Variants in IQCJ observed in about 807,000 individuals in gnomAD.
IQCJ encodes IQ motif containing J, also known as IQ domain-containing protein J.
In IQCJ, 9 loss-of-function variants were observed where a neutral mutation model predicts 11.0. The ratio of observed to expected loss-of-function variants is 0.82; its 90% CI spans 0.49 to 1.43. The LOEUF (loss-of-function observed/expected upper bound fraction) is 1.43, where lower values mean the gene tolerates loss of function less well. IQCJ is among the 40% of genes most tolerant of loss of function. The probability of loss-of-function intolerance (pLI) is 0.00; values close to 1 mark genes in which losing one functional copy is unlikely to be tolerated. For synonymous variants in IQCJ, 55 were observed against 51.3 expected (o/e 1.07, Z -0.31); for missense variants, 146 against 133.2 (o/e 1.10, Z -0.47).
Position 159,071,280 on chromosome 3 carries a change from T to TA in IQCJ, c.9+1844dup, listed in dbSNP as rs1715543668. 2.0e-5 allele frequency among the ~76,000 whole-genome samples: 3 copies of TA among 151,986 alleles called. No individual in the cohort carries two copies. In the South Asian group the frequency reaches 6.2e-4, roughly 32 times the overall value. On this transcript the variant is annotated intron_variant, in intron 1 of 3. Transcript: ENST00000397832. ...AACAGCATATTATATTAGGAGCCAT[T>TA]AAAAATCTGTGTAGGCTATTAATGT...
intron 1 of IQCJ, among the ~76,000 whole-genome samples, chr3:159,127,506 T>G (rs1398263170): frequency 3.3e-5 from 5 of 152,234 alleles, no homozygotes; most frequent in Non-Finnish European, 5.9e-5. Flanking sequence ...CTGGCAGCAC[T>G]TATTTTTTAG....
rs1477207720 is a variant in IQCJ, at chr3:159,252,911, A to G, written c.155+104A>G. The G allele has an allele frequency of 5.3e-6, 6 of 1,136,378 alleles. No homozygotes were observed. In the African/African-American group the frequency reaches 9.4e-5, roughly 18 times the overall value. 70.4% of individuals were successfully genotyped at this position (1,136,378 alleles called of 1,614,324 possible). ...CAACAGTTATGCATCTTTATTTTAC[A>G]TTCATGTGCTGCATATTATTTCCTC... On this transcript the variant is annotated intron_variant, in intron 3 of 3. Coordinates refer to ENST00000397832, the MANE Select transcript of IQCJ (RefSeq NM_001042706.3).
At chr3:159,173,180 C>G (rs189223487) in intron 1 of IQCJ, among the ~76,000 whole-genome samples, 27 of 152,166 alleles carry the variant, frequency 1.8e-4, no homozygotes, top group Non-Finnish European at 3.4e-4. Flanking sequence ...CCTTGAATAT[C>G]GCACAGAGCT....
rs540175424 is a variant in IQCJ at position 159,167,147 on chromosome 3, C to T, written c.10-78696C>T. ...ATTCCTGTTGCCCAGAAATCAATAC[C>T]AGCACAGGTATTTCTTGCCATTTGA... On this transcript the variant is annotated intron_variant, in intron 1 of 3. Transcript: ENST00000397832. Among the ~76,000 whole-genome samples the T allele has an allele frequency of 1.4e-4, 21 of 152,262 alleles. No homozygotes were observed. The South Asian group carries it at 4.1e-3, about 30-fold the overall frequency.
At chr3:159,259,333 A>G (rs1728075451) in intron 3 of IQCJ, among the ~76,000 whole-genome samples, 1 of 152,234 alleles carries the variant, frequency 6.6e-6, no homozygotes, top group African/African-American at 2.4e-5. Flanking sequence ...TTTATTTATA[A>G]TTCAAAATAT....
intron 1 of IQCJ, among the ~76,000 whole-genome samples, chr3:159,215,630 A>G (rs951475523): frequency 6.6e-6 from 1 of 152,186 alleles, no homozygotes; most frequent in Non-Finnish European, 1.5e-5. Context: ...ATGAACTTCC[A>G]TAGTAGGAGA....
intron 1 of IQCJ, among the ~76,000 whole-genome samples, chr3:159,234,263 C>A (rs888033029): frequency 6.6e-6 from 1 of 152,172 alleles, no homozygotes; most frequent in Admixed American, 6.5e-5. Context: ...ATAATTCATG[C>A]AACATGCCTG....
At chr3:159,167,596 C>T (rs1322644067) in intron 1 of IQCJ, among the ~76,000 whole-genome samples, 4 of 152,186 alleles carry the variant, frequency 2.6e-5, no homozygotes, top group South Asian at 4.2e-4. Flanking sequence ...ACATTTAAAG[C>T]GTCATGAATT....
At chr3:159,119,425 A>T (rs1719219709) in intron 1 of IQCJ, among the ~76,000 whole-genome samples, 1 of 152,216 alleles carries the variant, frequency 6.6e-6, no homozygotes, top group African/African-American at 2.4e-5. Flanking sequence ...ATGCAGAATG[A>T]GTCTCAGTTT....
At chr3:159,091,647 TACACACACACAC>T (rs111512204) in intron 1 of IQCJ, among the ~76,000 whole-genome samples, 1 of 133,928 alleles carries the variant, frequency 7.5e-6, no homozygotes, top group Non-Finnish European at 1.6e-5. Flanking sequence ...AAGGGGTATT[TACACACACACAC>T]ACACACACAC....
chr3:159,089,863 G>GAA (rs2108077739), intron 1 of IQCJ, among the ~76,000 whole-genome samples: 1 of 151,634 alleles, frequency 6.6e-6, no homozygotes, highest in East Asian at 1.9e-4. Context: ...CCTTTGGTTT[G>GAA]AGTGTCCTCC....
chr3:159,125,732 A>G (rs1192358976), intron 1 of IQCJ, among the ~76,000 whole-genome samples: 1 of 152,212 alleles, frequency 6.6e-6, no homozygotes, highest in Non-Finnish European at 1.5e-5. Flanking sequence ...CCCTAGGGCT[A>G]TCCTTGGAAG....
At chr3:159,197,160 G>A (rs757161707) in intron 1 of IQCJ, among the ~76,000 whole-genome samples, 1 of 152,042 alleles carries the variant, frequency 6.6e-6, no homozygotes, top group Non-Finnish European at 1.5e-5. Flanking sequence ...TGACAGGAAG[G>A]ACCAAGGCTT....
intron 1 of IQCJ, among the ~76,000 whole-genome samples, chr3:159,151,758 C>T (rs911029153): frequency 3.9e-5 from 6 of 152,196 alleles, no homozygotes; most frequent in African/African-American, 1.4e-4. Flanking sequence ...GCCTCAGCCT[C>T]CTGAGCAGCT....
rs1250909096 is a variant in IQCJ at position 159,154,382 on chromosome 3, C to T, written c.9+84941C>T. Among the ~76,000 whole-genome samples, 3 of 152,238 alleles carry T rather than the reference C, an allele frequency of 2.0e-5. No individual in the cohort carries two copies. In the South Asian group the frequency reaches 6.2e-4, roughly 32 times the overall value. On this transcript the variant is annotated intron_variant, in intron 1 of 3. Coordinates refer to ENST00000397832, the MANE Select transcript of IQCJ (RefSeq NM_001042706.3). ...TCATCAAGAGATGAGAGGATGAATGCACATTGATAAGTTTTTATTTAGAAT... is the reference window on the plus strand; with the variant it reads ...TCATCAAGAGATGAGAGGATGAATGTACATTGATAAGTTTTTATTTAGAAT...
intron 1 of IQCJ, among the ~76,000 whole-genome samples, chr3:159,115,117 T>A (rs557112070): frequency 6.6e-6 from 1 of 152,344 alleles, no homozygotes; most frequent in Non-Finnish European, 1.5e-5. Flanking sequence ...TGTATTAGTT[T>A]GAGTAGGAAA....
At chr3:159,166,605 G>A (rs554624283) in intron 1 of IQCJ, among the ~76,000 whole-genome samples, 2 of 152,294 alleles carry the variant, frequency 1.3e-5, no homozygotes, top group East Asian at 3.9e-4. Flanking sequence ...TCAAGAATTT[G>A]GGGATATTAC....
intron 1 of IQCJ, among the ~76,000 whole-genome samples, chr3:159,076,971 C>T (rs539530894): frequency 2.6e-5 from 4 of 152,220 alleles, no homozygotes; most frequent in South Asian, 2.1e-4. Context: ...GTACTTAGAA[C>T]AGTGCCTGGC....
At chr3:159,227,387 G>A (rs955559936) in intron 1 of IQCJ, among the ~76,000 whole-genome samples, 4 of 152,178 alleles carry the variant, frequency 2.6e-5, no homozygotes, top group African/African-American at 9.6e-5. Flanking sequence ...CTTACCTAGA[G>A]TAAGCATCTT....
Sources: allele counts gnomAD v4.1 joint callset (sites outside exome capture counted in the v4.1 genomes callset), GRCh38; gene constraint gnomAD v4.1.1; transcripts MANE v1.5; gene names NCBI Gene and HGNC (gene_info 2026-07-23, HGNC 2026-07-21).